The following GRXCR1 variants were observed in gnomAD, a reference collection of about 807,000 sequenced individuals.
The protein encoded by GRXCR1 is glutaredoxin and cysteine rich domain containing 1, also known as glutaredoxin domain-containing cysteine-rich protein 1.
GRXCR1 carries 27 observed loss-of-function variants against 27.3 expected under a neutral mutation model. That is an observed-to-expected ratio of 0.99 (90% CI 0.73 to 1.37). The LOEUF (loss-of-function observed/expected upper bound fraction) is 1.37, where lower values mean the gene tolerates loss of function less well. Ranked by LOEUF, GRXCR1 falls within the 40% of genes most tolerant of loss-of-function variation. The pLI is 0.00. For missense variants in GRXCR1, 379 were observed against 354.4 expected (o/e 1.07, Z -0.56); for synonymous variants, 122 against 131.1 (o/e 0.93, Z 0.47).
chr4:43,005,218 A>G (rs1712517757), intron 2 of GRXCR1, among the ~76,000 whole-genome samples: 1 of 152,172 alleles, frequency 6.6e-6, no homozygotes, highest in African/African-American at 2.4e-5. Flanking sequence ...CATGATTGTA[A>G]GTTTCCTGAG....
chr4:42,910,439 T>C (rs1314190724), intron 1 of GRXCR1, among the ~76,000 whole-genome samples: 1 of 152,146 alleles, frequency 6.6e-6, no homozygotes, highest in African/African-American at 2.4e-5. Context: ...CTTTCTCTCA[T>C]TTTTCTAAAG....
intron 2 of GRXCR1, among the ~76,000 whole-genome samples, chr4:42,975,923 C>A (rs1275073273): frequency 6.6e-6 from 1 of 152,122 alleles, no homozygotes; most frequent in Non-Finnish European, 1.5e-5. Flanking sequence ...AGAGAAAGAA[C>A]TTTTGAAGGA....
Position 42,980,263 on chromosome 4 carries a change from C to T in GRXCR1, c.627+17129C>T, listed in dbSNP as rs185069131. 6.6e-5 allele frequency among the ~76,000 whole-genome samples: 10 copies of T among 151,824 alleles called. No homozygotes were observed. The East Asian group carries it at 7.7e-4, about 12-fold the overall frequency. Reference sequence around the variant, plus strand: ...TTTATTTGAGATCTTTCTTCTTTGACGTAGGTGTTTATTGCTATAAACTCC... The same window carrying T: ...TTTATTTGAGATCTTTCTTCTTTGATGTAGGTGTTTATTGCTATAAACTCC... On this transcript the variant is annotated intron_variant, in intron 2 of 3. Transcript: ENST00000399770.
At chr4:42,933,834 G>A (rs1747389603) in intron 1 of GRXCR1, among the ~76,000 whole-genome samples, 1 of 151,808 alleles carries the variant, frequency 6.6e-6, no homozygotes, top group Admixed American at 6.6e-5. Flanking sequence ...CCCAGTTGAT[G>A]ATATTCTGTT....
intron 2 of GRXCR1, among the ~76,000 whole-genome samples, chr4:42,980,433 G>A (rs1378393711): frequency 6.6e-6 from 1 of 151,698 alleles, no homozygotes; most frequent in East Asian, 1.9e-4. Flanking sequence ...TAATTTTCCT[G>A]TTTTTGTAAA....
intron 3 of GRXCR1, among the ~76,000 whole-genome samples, chr4:43,029,059 A>G (rs1170128835): frequency 1.3e-5 from 2 of 152,202 alleles, no homozygotes; most frequent in Non-Finnish European, 2.9e-5. Context: ...TAAAATATCA[A>G]TATTAGATTG....
chr4:42,949,130 CA>C (rs1747817387), intron 1 of GRXCR1, among the ~76,000 whole-genome samples: 1 of 151,766 alleles, frequency 6.6e-6, no homozygotes, highest in Admixed American at 6.6e-5. Flanking sequence ...CTAAGGTGGG[CA>C]GATCACGAGG....
intron 2 of GRXCR1, among the ~76,000 whole-genome samples, chr4:42,988,809 T>G (rs920270533): frequency 6.6e-6 from 1 of 152,186 alleles, no homozygotes; most frequent in Non-Finnish European, 1.5e-5. Context: ...GGAATGCCAG[T>G]ATGCAATATA....
chr4:42,998,547 C>A (rs1712250354), intron 2 of GRXCR1, among the ~76,000 whole-genome samples: 1 of 152,086 alleles, frequency 6.6e-6, no homozygotes, highest in African/African-American at 2.4e-5. Flanking sequence ...TAAACATTGT[C>A]AAAATGGCCA....
intron 3 of GRXCR1, among the ~76,000 whole-genome samples, chr4:43,029,654 T>C (rs1429032385): frequency 1.3e-5 from 2 of 152,170 alleles, no homozygotes; most frequent in African/African-American, 2.4e-5. Flanking sequence ...TTGCTTGAGA[T>C]AGAAAGGTTG....
chr4:42,938,907 T>C lies in GRXCR1; in HGVS notation c.385-23985T>C, dbSNP rs560232641. ...CAGTACCATGCTGTTCTGGGTACTATAGCTCTGTAGTATCATTTGAAATTA... is the reference window on the plus strand; with the variant it reads ...CAGTACCATGCTGTTCTGGGTACTACAGCTCTGTAGTATCATTTGAAATTA... On this transcript the variant is annotated intron_variant, in intron 1 of 3. Coordinates refer to ENST00000399770, the MANE Select transcript of GRXCR1 (RefSeq NM_001080476.3). 5.3e-5 allele frequency among the ~76,000 whole-genome samples: 8 copies of C among 152,038 alleles called. No homozygotes were observed. The South Asian group carries it at 1.0e-3, about 20-fold the overall frequency.
intron 1 of GRXCR1, among the ~76,000 whole-genome samples, chr4:42,933,172 C>T (rs1560654637): frequency 6.6e-6 from 1 of 151,894 alleles, no homozygotes; most frequent in East Asian, 1.9e-4. Flanking sequence ...ATGTCTAATG[C>T]TCAGTTTAAA....
chr4:42,900,106 C>T (rs1746429059), intron 1 of GRXCR1, among the ~76,000 whole-genome samples: 1 of 152,138 alleles, frequency 6.6e-6, no homozygotes, highest in African/African-American at 2.4e-5. Context: ...CTGATATTTT[C>T]TCTGAAACCC....
intron 2 of GRXCR1, among the ~76,000 whole-genome samples, chr4:42,976,316 A>G (rs1748519323): frequency 6.6e-6 from 1 of 152,076 alleles, no homozygotes; most frequent in Non-Finnish European, 1.5e-5. Context: ...CCATTTATTC[A>G]TTAATTTAGT....
chr4:42,996,096 A>T (rs757822805), intron 2 of GRXCR1, among the ~76,000 whole-genome samples: 16 of 152,186 alleles, frequency 1.1e-4, no homozygotes, highest in Admixed American at 2.0e-4. Flanking sequence ...AGCATGCACA[A>T]AAAATTATAT....
At chr4:42,898,434 G>T (rs1055844866) in intron 1 of GRXCR1, among the ~76,000 whole-genome samples, 1 of 146,768 alleles carries the variant, frequency 6.8e-6, no homozygotes, top group Admixed American at 6.8e-5. Context: ...GCTTACAGTG[G>T]TTCACTATCT....
intron 2 of GRXCR1, among the ~76,000 whole-genome samples, chr4:42,993,146 C>T (rs896156071): frequency 6.6e-6 from 1 of 151,950 alleles, no homozygotes; most frequent in African/African-American, 2.4e-5. Context: ...TCCAAGTAAA[C>T]TGTATTTTAT....
At chr4:42,950,692 T>C (rs1384175846) in intron 1 of GRXCR1, among the ~76,000 whole-genome samples, 1 of 152,126 alleles carries the variant, frequency 6.6e-6, no homozygotes, top group Non-Finnish European at 1.5e-5. Flanking sequence ...TCATGTGGAT[T>C]TTACATATAA....
At chr4:42,976,336 T>TCAAA (rs1748519887) in intron 2 of GRXCR1, among the ~76,000 whole-genome samples, 4 of 152,046 alleles carry the variant, frequency 2.6e-5, no homozygotes, top group Admixed American at 2.6e-4. Context: ...TTAGTTATGG[T>TCAAA]CTTCATTTGA....
Sources: allele counts gnomAD v4.1 joint callset (sites outside exome capture counted in the v4.1 genomes callset), GRCh38; gene constraint gnomAD v4.1.1; transcripts MANE v1.5; gene names NCBI Gene and HGNC (gene_info 2026-07-23, HGNC 2026-07-21).